Variants in CAPZB observed in about 807,000 individuals in gnomAD.
CAPZB encodes the protein F-actin-capping protein subunit beta.
CAPZB carries 2 observed loss-of-function variants against 38.1 expected under a neutral mutation model. That is an observed-to-expected ratio of 0.05 (90% CI 0.02 to 0.17). The LOEUF is 0.17. Ranked by LOEUF, CAPZB falls within the 10% of genes least tolerant of loss-of-function variation. The pLI is 1.00. For missense variants in CAPZB, 161 were observed against 334.2 expected, an observed-to-expected ratio of 0.48 and a Z score of 4.04; for synonymous variants, 107 against 127.4, an observed-to-expected ratio of 0.84 and a Z score of 1.08.
intron 3 of CAPZB, 97 bp from the exon 4 acceptor site, chr1:19,378,750 A>G: frequency 1.4e-6 from 1 of 693,492 alleles, no homozygotes; most frequent in Admixed American, 2.3e-5. Context: ...GAAATCTCGG[A>G]GGCAAAGCCG....
At position 19,447,221 on chromosome 1, in the gene CAPZB, C is replaced by T. The variant is rs1306696291; in HGVS notation, c.4-27471G>A. ...TTAAAGTGGGAAAGAAAAATATTGA[C>T]GAACTTAAAACTCGACATAGACAGA... On this transcript the variant is annotated intron_variant, in intron 1 of 8. Transcript: ENST00000264202. Among the ~76,000 whole-genome samples the T allele has an allele frequency of 4.7e-5, 7 of 147,966 alleles. No individual in the cohort carries two copies. The East Asian group carries it at 7.9e-4, about 17-fold the overall frequency.
chr1:19,408,093 A>G (rs779870979), intron 2 of CAPZB, among the ~76,000 whole-genome samples: 4 of 152,194 alleles, frequency 2.6e-5, no homozygotes, highest in African/African-American at 9.7e-5. Context: ...CAGTTAAATA[A>G]GCCAAGTCCT....
intron 1 of CAPZB, among the ~76,000 whole-genome samples, chr1:19,474,521 T>C (rs2100791961): frequency 6.6e-6 from 1 of 152,252 alleles, no homozygotes; most frequent in Middle Eastern, 3.4e-3. Flanking sequence ...TTCCTTTATC[T>C]TGCCCCCTTC....
chr1:19,414,999 G>T (rs2094372805), intron 2 of CAPZB, among the ~76,000 whole-genome samples: 1 of 152,260 alleles, frequency 6.6e-6, no homozygotes, highest in South Asian at 2.1e-4. Flanking sequence ...GAAGAAAAAA[G>T]AAAGCTGACC....
intron 2 of CAPZB, among the ~76,000 whole-genome samples, chr1:19,407,431 A>G (rs1006313323): frequency 1.3e-5 from 2 of 152,126 alleles, no homozygotes; most frequent in Non-Finnish European, 2.9e-5. Context: ...GGGGCTCTCA[A>G]GCTGGGGAAA....
chr1:19,440,614 G>T (rs1254814691), intron 1 of CAPZB, among the ~76,000 whole-genome samples: 1 of 152,100 alleles, frequency 6.6e-6, no homozygotes, highest in Non-Finnish European at 1.5e-5. Context: ...AGTGTGGGGG[G>T]AAGGGACTTG....
intron 4 of CAPZB, among the ~76,000 whole-genome samples, chr1:19,369,313 G>A (rs1375848152): frequency 1.3e-5 from 2 of 152,330 alleles, no homozygotes; most frequent in Non-Finnish European, 1.5e-5. Context: ...CAGTGGTCAC[G>A]AAAGAGCTGA....
chr1:19,410,562 G>A lies in CAPZB; in HGVS notation c.93+9099C>T, dbSNP rs1570177274. 2.0e-5 allele frequency among the ~76,000 whole-genome samples: 3 copies of A among 152,290 alleles called. No individual in the cohort carries two copies. In the Middle Eastern group the frequency reaches 0.01, roughly 518 times the overall value. On this transcript the variant is annotated intron_variant, in intron 2 of 8. Coordinates refer to ENST00000264202, the MANE Select transcript of CAPZB (RefSeq NM_004930.5). ...TCCAACTGAGCCCGGGTTCCCCACA[G>A]CCCAGCCGGTTGAAGGGAGCGGCGG...
chr1:19,339,612 A>T lies in CAPZB; in HGVS notation c.737T>A (p.Val246Glu). ...TTTTGATTTGTCTGCAAAAGTCTGC[A>T]CAGACCTGCAAGGGAGGAAAGGCGT... ...TKDIVNGLRS[V>E]QTFADKSKQE... The change falls in exon 9 of 9, where the codon GTG becomes GAG. Residue 246 changes from valine to glutamate, a missense_variant. Transcript: ENST00000264202. The T allele has an allele frequency of 6.2e-7, 1 of 1,612,990 alleles. No individual in the cohort carries two copies. Among genetic ancestry groups the T allele is most frequent in the South Asian group, 1.1e-5 (1 of 91,060 alleles).
At chr1:19,391,305 C>T (rs992483250) in intron 2 of CAPZB, among the ~76,000 whole-genome samples, 3 of 152,210 alleles carry the variant, frequency 2.0e-5, no homozygotes, top group African/African-American at 7.2e-5. Context: ...CCCACGGAGT[C>T]TAACCCACGG....
chr1:19,436,994 G>C lies in CAPZB; in HGVS notation c.4-17244C>G, dbSNP rs2094460238. The stretch of plus-strand genomic sequence containing the variant: ...ATGGTTCAGTTGTCTGAGCCAAGGA[G>C]GGCTGGATTAGGCTCAGTGATCGAA... On this transcript the variant is annotated intron_variant, in intron 1 of 8. Coordinates refer to ENST00000264202, the MANE Select transcript of CAPZB (RefSeq NM_004930.5). Among the ~76,000 whole-genome samples, 6 of 152,214 alleles carry C rather than the reference G, an allele frequency of 3.9e-5. No individual in the cohort carries two copies. In the South Asian group the frequency reaches 1.2e-3, roughly 32 times the overall value.
At chr1:19,374,039 T>G (rs1365848681) in intron 4 of CAPZB, 2 of 152,274 alleles carry the variant, frequency 1.3e-5, no homozygotes, top group Non-Finnish European at 2.9e-5. Context: ...GGCACCTCGT[T>G]CCTGACTGTG....
At chr1:19,396,388 A>C (rs2094269265) in intron 2 of CAPZB, among the ~76,000 whole-genome samples, 1 of 152,178 alleles carries the variant, frequency 6.6e-6, no homozygotes, top group Non-Finnish European at 1.5e-5. Context: ...TTCTTCGGTG[A>C]GTGGGAGACA....
chr1:19,455,607 C>T (rs1204950972), intron 1 of CAPZB, among the ~76,000 whole-genome samples: 3 of 152,308 alleles, frequency 2.0e-5, no homozygotes, highest in East Asian at 1.9e-4. Flanking sequence ...GGTCTCTTGA[C>T]CTGGCCTATT....
chr1:19,357,044 TG>T lies in CAPZB; in HGVS notation c.472-294del, dbSNP rs555587859. ...GCCTGGCTAATGTTTTTTGTGTTTT[TG>T]GTAGAGATGCGGTTTCGCCATATTG... is the stretch of plus-strand genomic sequence containing the variant. On this transcript the variant is annotated intron_variant, in intron 5 of 8. Transcript: ENST00000264202. The surrounding 1 kb of genome is among the most constrained non-coding windows in gnomAD (Gnocchi z 4.3). 2.3e-3 allele frequency among the ~76,000 whole-genome samples: 354 copies of T among 152,186 alleles called. 1 individual carries two copies. Among genetic ancestry groups the T allele is most frequent in the African/African-American group, 7.3e-3 (304 of 41,524 alleles).
chr1:19,404,438 A>C (rs373631654), intron 2 of CAPZB, among the ~76,000 whole-genome samples: 14 of 151,308 alleles, frequency 9.3e-5, no homozygotes, highest in African/African-American at 3.4e-4. Flanking sequence ...CAGCTATTCC[A>C]GACGCTGAGG....
chr1:19,397,257 A>G (rs1212891029), intron 2 of CAPZB, among the ~76,000 whole-genome samples: 3 of 152,260 alleles, frequency 2.0e-5, no homozygotes, highest in African/African-American at 7.2e-5. Flanking sequence ...TATCAAAGTT[A>G]TGATTGGAAT....
chr1:19,447,324 A>G (rs10442642), intron 1 of CAPZB, among the ~76,000 whole-genome samples: 27,699 of 124,792 alleles, frequency 0.22, 3,532 homozygotes, highest in Non-Finnish European at 0.27. Context: ...TATTCAAGCA[A>G]TTCTCCTGTC....
At chr1:19,380,895 C>T (rs1257078411) in intron 3 of CAPZB, among the ~76,000 whole-genome samples, 10 of 152,168 alleles carry the variant, frequency 6.6e-5, no homozygotes, top group Middle Eastern at 3.4e-3. Context: ...TTTGGCCAGG[C>T]GCGGTAGCTC....
Sources: gnomAD v4.1 joint callset for allele counts (sites outside exome capture counted in the v4.1 genomes callset) on GRCh38, gnomAD v4.1.1 for gene constraint, Gnocchi (gnomAD v3.1) non-coding constraint, MANE v1.5 for transcripts, NCBI Gene and HGNC (gene_info 2026-07-23, HGNC 2026-07-21) for gene names.